DEPDC4: variants seen among roughly 807,000 people sequenced by gnomAD.
DEPDC4 encodes the protein DEP domain containing 4, also known as DEP domain-containing protein 4.
A neutral mutation model predicts 52.0 loss-of-function variants in DEPDC4; 52 were observed. The observed-to-expected ratio is 1.00, with a 90% CI of 0.80 to 1.26. DEPDC4 has a LOEUF of 1.26. Ranked by LOEUF, DEPDC4 falls within the 50% of genes most tolerant of loss-of-function variation. The pLI, the probability that DEPDC4 is intolerant of heterozygous loss-of-function variation, is 0.00. For missense variants in DEPDC4, 530 were observed against 546.9 expected, an observed-to-expected ratio of 0.97 and a Z score of 0.31; for synonymous variants, 201 against 196.8, an observed-to-expected ratio of 1.02 and a Z score of -0.18.
intron 9 of DEPDC4, among the ~76,000 whole-genome samples, chr12:100,235,038 TGAG>T (rs1288523816): frequency 6.7e-6 from 1 of 148,810 alleles, no homozygotes; most frequent in Non-Finnish European, 1.5e-5. Flanking sequence ...CAAGTTTCAT[TGAG>T]TAGTAGTATG....
chr12:100,253,759 T>C (rs1017055053), intron 4 of DEPDC4, 44 bp from the exon 5 acceptor site: 1 of 1,039,236 alleles, frequency 9.6e-7, no homozygotes, highest in Non-Finnish European at 1.3e-6. Flanking sequence ...GGTTAACATT[T>C]CCATTTAACT....
chr12:100,280,094 C>T, the DEPDC4 span, among the ~76,000 whole-genome samples: 2 of 152,150 alleles, frequency 1.3e-5, no homozygotes, highest in African/African-American at 4.8e-5. Context: ...TGTTCTCTTT[C>T]TTACTGGGGT....
At chr12:100,254,963 C>G (rs1052961178) in intron 4 of DEPDC4, among the ~76,000 whole-genome samples, 1 of 152,174 alleles carries the variant, frequency 6.6e-6, no homozygotes, top group Non-Finnish European at 1.5e-5. Flanking sequence ...TGGCCTCAAG[C>G]AATCTTCTCA....
chr12:100,252,569 A>T, intron 5 of DEPDC4, 33 bp from the exon 6 acceptor site: 2 of 1,557,412 alleles, frequency 1.3e-6, no homozygotes. Flanking sequence ...AACAAAGCAT[A>T]AGATGAAAAA....
intron 7 of DEPDC4, among the ~76,000 whole-genome samples, chr12:100,249,931 A>T (rs948741026): frequency 2.0e-5 from 3 of 152,242 alleles, no homozygotes; most frequent in Non-Finnish European, 4.4e-5. Flanking sequence ...TCAGGTAGTG[A>T]TAAGTGCCAC....
intron 7 of DEPDC4, among the ~76,000 whole-genome samples, chr12:100,251,185 C>T (rs1244215260): frequency 6.6e-6 from 1 of 152,038 alleles, no homozygotes; most frequent in East Asian, 1.9e-4. Context: ...TCATCCCACC[C>T]CAGCCTCCAG....
intron 8 of DEPDC4, among the ~76,000 whole-genome samples, chr12:100,247,367 G>A (rs2096190451): frequency 6.6e-6 from 1 of 151,706 alleles, no homozygotes; most frequent in Non-Finnish European, 1.5e-5. Flanking sequence ...CACCACACCT[G>A]GCTACTTTTG....
chr12:100,253,839 T>C, intron 4 of DEPDC4, 124 bp from the exon 5 acceptor site: 1 of 441,304 alleles, frequency 2.3e-6, no homozygotes, highest in Non-Finnish European at 3.9e-6. Flanking sequence ...GAAGAAATTA[T>C]TTTTTGGGAG....
intron 8 of DEPDC4, 48 bp from the exon 9 acceptor site, chr12:100,242,617 G>A (rs933363100): frequency 5.8e-5 from 9 of 154,822 alleles, no homozygotes; most frequent in African/African-American, 1.9e-4. Context: ...GAAAGTAGCT[G>A]AGTTAGGATC....
chr12:100,243,410 C>T (rs1037952676), intron 8 of DEPDC4, among the ~76,000 whole-genome samples: 3 of 152,160 alleles, frequency 2.0e-5, no homozygotes, highest in East Asian at 3.8e-4. Flanking sequence ...ATTCAGTGCT[C>T]CCCTTGTAAA....
intron 8 of DEPDC4, among the ~76,000 whole-genome samples, chr12:100,248,216 A>G (rs1405428895): frequency 1.3e-5 from 2 of 152,130 alleles, no homozygotes; most frequent in Non-Finnish European, 2.9e-5. Flanking sequence ...TTAATAGCAT[A>G]AATATTAAAT....
chr12:100,279,084 T>G, the DEPDC4 span, among the ~76,000 whole-genome samples: 1 of 152,236 alleles, frequency 6.6e-6, no homozygotes, highest in Non-Finnish European at 1.5e-5. Flanking sequence ...ATTTAATTTC[T>G]TGGAGCTTTG....
chr12:100,261,376 T>A (rs1397152639), intron 3 of DEPDC4, among the ~76,000 whole-genome samples: 1 of 152,306 alleles, frequency 6.6e-6, no homozygotes, highest in African/African-American at 2.4e-5. Flanking sequence ...CATTAATGAA[T>A]TTTGTATGTA....
intron 4 of DEPDC4, 132 bp from the exon 5 acceptor site, chr12:100,253,847 G>A (rs971412443): frequency 1.9e-5 from 8 of 424,210 alleles, no homozygotes; most frequent in Non-Finnish European, 3.3e-5. Context: ...TATTTTTTGG[G>A]AGAAGCATTT....
chr12:100,281,019 GTTTTTTTTT>G, the DEPDC4 span, among the ~76,000 whole-genome samples: 11 of 50,466 alleles, frequency 2.2e-4, no homozygotes, highest in Non-Finnish European at 2.5e-4. Context: ...TACCATCAGT[GTTTTTTTTT>G]TTTTTTTTTT....
chr12:100,267,806 C>T (rs1479473479), upstream of DEPDC4: 1 of 152,186 alleles, frequency 6.6e-6, no homozygotes, highest in Non-Finnish European at 1.5e-5. Flanking sequence ...AGAGAGTTCA[C>T]CTCAGTTCTG....
intron 7 of DEPDC4, among the ~76,000 whole-genome samples, chr12:100,249,327 C>G (rs934101866): frequency 3.9e-5 from 6 of 152,034 alleles, no homozygotes; most frequent in African/African-American, 1.4e-4. Flanking sequence ...AATAGTAGCT[C>G]TAAAATACAC....
upstream of DEPDC4, chr12:100,267,117 G>A (rs1205860536): frequency 2.5e-6 from 4 of 1,595,174 alleles, no homozygotes; most frequent in South Asian, 4.5e-5. Context: ...GAGAAGTACT[G>A]GCTCCGCCTC....
At chr12:100,247,633 G>C (rs970836050) in intron 8 of DEPDC4, among the ~76,000 whole-genome samples, 3 of 152,204 alleles carry the variant, frequency 2.0e-5, no homozygotes, top group African/African-American at 7.2e-5. Context: ...TTTAATGTTT[G>C]CTTTGAAATT....
Sources: allele counts gnomAD v4.1 joint callset (sites outside exome capture counted in the v4.1 genomes callset), GRCh38; gene constraint gnomAD v4.1.1; transcripts MANE v1.5; gene names NCBI Gene and HGNC (gene_info 2026-07-23, HGNC 2026-07-21).